The following FAM199X variants were observed in gnomAD, a reference collection of about 807,000 sequenced individuals.
FAM199X encodes family with sequence similarity 199, X-linked.
In FAM199X, 4 loss-of-function variants were observed where a neutral mutation model predicts 22.9. That is an observed-to-expected ratio of 0.17 (90% confidence interval 0.09 to 0.40). The LOEUF (loss-of-function observed/expected upper bound fraction) is 0.40. FAM199X is among the 10% of genes least tolerant of loss of function. The pLI, the probability that FAM199X is intolerant of heterozygous loss-of-function variation, is 1.00. For synonymous variants in FAM199X, 101 were observed against 112.3 expected, an observed-to-expected ratio of 0.90 and a Z score of 0.64; for missense variants, 183 against 306.8, an observed-to-expected ratio of 0.60 and a Z score of 3.01.
At chrX:104,165,987 T>C (rs1556373684), upstream of FAM199X, among the ~76,000 whole-genome samples, 1 of 110,919 alleles carries the variant, frequency 9.0e-6, no homozygotes, top group African/African-American at 3.3e-5. Flanking sequence ...AGTAGGCGAG[T>C]GGCTGCAGCG....
At chrX:104,159,334 C>G in the FAM199X span, among the ~76,000 whole-genome samples, 2 of 112,247 alleles carry the variant, frequency 1.8e-5, no homozygotes, top group East Asian at 5.6e-4. Context: ...CTTCATCTGC[C>G]TTAAATTCTC....
At chrX:104,189,378 C>T (rs1316298872) in intron 5 of FAM199X, among the ~76,000 whole-genome samples, 2 of 111,531 alleles carry the variant, frequency 1.8e-5, no homozygotes, top group African/African-American at 6.5e-5. Context: ...CCAAAATGAT[C>T]GTCTCAACTC....
chrX:104,176,051 T>TACA (rs1921482671), intron 2 of FAM199X, among the ~76,000 whole-genome samples: 1 of 111,866 alleles, frequency 8.9e-6, no homozygotes, highest in African/African-American at 3.2e-5. Flanking sequence ...TATCCTTTTG[T>TACA]AGATTTTTAT....
At position 104,195,388 on chromosome X, in the gene FAM199X, T is replaced by C. The variant is rs1449214336; in HGVS notation, c.*5610T>C. 1 of 111,217 alleles carries C rather than the reference T, an allele frequency of 9.0e-6. No individual in the cohort carries two copies. The highest frequency in any genetic ancestry group is 1.9e-5 in the Non-Finnish European group (1 of 53,014). The allele number at this position is 111,217 out of a possible 1,213,427, so 9.2% of individuals were successfully genotyped here. A position where few individuals can be genotyped will look rare whatever the true frequency, so the allele number is the denominator to read the frequency against. On this transcript the variant is annotated 3_prime_UTR_variant, in exon 6 of 6. Coordinates refer to ENST00000493442, the MANE Select transcript of FAM199X (RefSeq NM_207318.4). ...ACTTTTATTTGGTGAAAGCCCCAGA[T>C]ACCCAAATGTCATTGGCAAAACTTA...
intron 1 of FAM199X, among the ~76,000 whole-genome samples, chrX:104,169,757 A>G (rs1385836185): frequency 1.8e-5 from 2 of 111,778 alleles, no homozygotes; most frequent in African/African-American, 6.5e-5. Context: ...TAGTAGAGAC[A>G]GGGTTTCACC....
upstream of FAM199X, among the ~76,000 whole-genome samples, chrX:104,161,618 G>A (rs1367065701): frequency 1.8e-5 from 2 of 111,453 alleles, no homozygotes; most frequent in South Asian, 3.8e-4. Context: ...CGAGGTGGGC[G>A]GATCACGAGG....
upstream of FAM199X, among the ~76,000 whole-genome samples, chrX:104,165,655 C>G (rs146674046): frequency 2.8e-3 from 309 of 110,544 alleles, 1 homozygote; most frequent in African/African-American, 9.8e-3. Context: ...TTTAATCTTA[C>G]GCATCCAAGA....
At position 104,168,301 on chromosome X, in the gene FAM199X, A is replaced by G. The variant is rs782500526; in HGVS notation, c.197+1319A>G. ...GAAAAGATTGAGTTCAAGGTCATAA[A>G]ACCTAGTCAAGCAAATCCAAGACTA... On this transcript the variant is annotated intron_variant, in intron 1 of 5. Coordinates refer to ENST00000493442, the MANE Select transcript of FAM199X (RefSeq NM_207318.4). Among the ~76,000 whole-genome samples, 7 of 112,332 alleles carry G rather than the reference A, an allele frequency of 6.2e-5. No individual in the cohort carries two copies. In the South Asian group the frequency reaches 2.6e-3, roughly 41 times the overall value.
chrX:104,190,103 G>C lies in FAM199X; in HGVS notation c.*325G>C. The C allele has an allele frequency of 5.3e-6, 1 of 189,007 alleles. No homozygotes were observed. Among genetic ancestry groups the C allele is most frequent in the Admixed American group, 6.8e-5 (1 of 14,619 alleles). The allele number at this position is 189,007 out of a possible 1,213,427, so 15.6% of individuals were successfully genotyped here. ...AACCACTACTTTGGGTAAACGTTTTGACTGTTTAAAGTTTATGGCGGTGAA... is the reference window on the plus strand; with the variant it reads ...AACCACTACTTTGGGTAAACGTTTTCACTGTTTAAAGTTTATGGCGGTGAA... On this transcript the variant is annotated 3_prime_UTR_variant, in exon 6 of 6. Coordinates refer to ENST00000493442, the MANE Select transcript of FAM199X (RefSeq NM_207318.4).
chrX:104,172,239 CA>C lies in FAM199X; in HGVS notation c.198-3366del, dbSNP rs782684130. ...CAACGTGATGAAACCCTTTCTCTTC[CA>C]AAAAAAAAAAAAAAAAAGAAATGTG... On this transcript the variant is annotated intron_variant, in intron 1 of 5. Transcript: ENST00000493442. Among the ~76,000 whole-genome samples, 191 of 63,734 alleles carry C rather than the reference CA, an allele frequency of 3.0e-3. 4 individuals are homozygous for C. The highest frequency in any genetic ancestry group is 0.019 in the East Asian group (43 of 2,211). The allele number at this position is 63,734 out of a possible 115,157, so 55.3% of individuals were successfully genotyped here.
intron 2 of FAM199X, among the ~76,000 whole-genome samples, chrX:104,177,946 A>G (rs915857687): frequency 2.7e-5 from 3 of 111,505 alleles, no homozygotes; most frequent in Middle Eastern, 4.7e-3. Context: ...TTTAATTTTG[A>G]TGAAGTCTAA....
chrX:104,172,476 G>A (rs113450436), intron 1 of FAM199X, among the ~76,000 whole-genome samples: 4,279 of 109,846 alleles, frequency 0.039, 181 homozygotes, highest in African/African-American at 0.13. Flanking sequence ...AAAAAATACT[G>A]TTATTCTATT....
chrX:104,162,029 T>C (rs782677726), upstream of FAM199X, among the ~76,000 whole-genome samples: 1 of 112,058 alleles, frequency 8.9e-6, no homozygotes, highest in South Asian at 3.7e-4. Flanking sequence ...GCAAACAGGC[T>C]TAAAATGAAG....
chrX:104,164,678 C>G (rs1556373299), upstream of FAM199X, among the ~76,000 whole-genome samples: 2 of 110,496 alleles, frequency 1.8e-5, no homozygotes, highest in Admixed American at 9.7e-5. Context: ...GTCAGGAGTT[C>G]GAAACCAGCC....
Position 104,166,901 on chromosome X carries a change from G to C in FAM199X, c.116G>C (p.Gly39Ala). Residue 39 changes from glycine (G) to alanine (A), a missense_variant, in exon 1 of 6, where the codon GGC becomes GCC. Gly to Ala is a moderately conservative substitution (Grantham distance 60). This residue lies in a region of FAM199X where 55 missense variants were observed against 60.6 expected (regional missense o/e 0.91). Transcript: ENST00000493442. The stretch of plus-strand genomic sequence containing the variant: ...GGCACCTGCCCGAGCGAGGAGCCGG[G>C]CTGCCTGGACATCAGCGACTTCGGC... ...GVGTCPSEEP[G>A]CLDISDFGCQ... 12 of 1,203,007 alleles carry C rather than the reference G, an allele frequency of 1.0e-5. No individual in the cohort carries two copies. The highest frequency in any genetic ancestry group is 1.2e-5 in the Non-Finnish European group (11 of 890,915).
rs73530839 is a variant in FAM199X, at chrX:104,180,628, C to T, written c.417+4786C>T. Among the ~76,000 whole-genome samples the T allele has an allele frequency of 2.8e-3, 316 of 111,160 alleles. 3 individuals carry two copies. Among genetic ancestry groups the T allele is most frequent in the African/African-American group, 9.8e-3 (300 of 30,626 alleles). ...TTTTCCCACTTGTGAAATTGGAATA[C>T]GGATACTCTATTACCATGGATATCT... On this transcript the variant is annotated intron_variant, in intron 2 of 5. Coordinates refer to ENST00000493442, the MANE Select transcript of FAM199X (RefSeq NM_207318.4).
rs190086180 is a variant in FAM199X at position 104,195,369 on chromosome X, A to C, written c.*5591A>C. ...TTTGGTTATGGCTTTATAAACTTTT[A>C]TTTGGTGAAAGCCCCAGATACCCAA... On this transcript the variant is annotated 3_prime_UTR_variant, in exon 6 of 6. Transcript: ENST00000493442. 8.1e-5 allele frequency: 9 copies of C among 110,918 alleles called. No individual in the cohort carries two copies. The East Asian group carries it at 2.2e-3, about 28-fold the overall frequency. The allele number at this position is 110,918 out of a possible 1,213,427, so 9.1% of individuals were successfully genotyped here.
At chrX:104,164,858 C>T (rs1462117920), upstream of FAM199X, among the ~76,000 whole-genome samples, 2 of 111,177 alleles carry the variant, frequency 1.8e-5, no homozygotes, top group African/African-American at 6.6e-5. Flanking sequence ...CTAGCCTGAG[C>T]GACAGAGCAA....
In FAM199X at chrX:104,193,469, C is replaced by T. The variant is rs1556380904; in HGVS notation, c.*3691C>T. On this transcript the variant is annotated 3_prime_UTR_variant, in exon 6 of 6. Coordinates refer to ENST00000493442, the MANE Select transcript of FAM199X (RefSeq NM_207318.4). The stretch of plus-strand genomic sequence containing the variant: ...ACAGAGATTATGTAGCAAGTTGATT[C>T]TCTAGGAATTCTTTGAACTCATTTG... 4 of 111,961 alleles carry T rather than the reference C, an allele frequency of 3.6e-5. No individual in the cohort carries two copies. The Admixed American group carries it at 3.8e-4, about 11-fold the overall frequency. 9.2% of individuals were successfully genotyped at this position (111,961 alleles called of 1,213,427 possible).
Sources: allele counts gnomAD v4.1 joint callset (sites outside exome capture counted in the v4.1 genomes callset), GRCh38; gene constraint gnomAD v4.1.1; regional missense constraint gnomAD v4.1.1; transcripts MANE v1.5; gene names NCBI Gene and HGNC (gene_info 2026-07-23, HGNC 2026-07-21).